The following EYS variants were observed in gnomAD, a reference collection of about 807,000 sequenced individuals.
EYS encodes the protein protein eyes shut homolog.
A neutral mutation model predicts 282.1 loss-of-function variants in EYS; 250 were observed. The ratio of observed to expected loss-of-function variants is 0.89; its 90% CI spans 0.80 to 0.98. EYS has a LOEUF of 0.98. EYS is among the 50% of genes least tolerant of loss of function. EYS has a pLI of 0.00. For synonymous variants in EYS, 1,355 were observed against 1,282.9 expected, an observed-to-expected ratio of 1.06 and a Z score of -1.20; for missense variants, 4,016 against 3,709.0, an observed-to-expected ratio of 1.08 and a Z score of -2.15.
intron 8 of EYS, among the ~76,000 whole-genome samples, chr6:65,371,299 C>T (rs1443298827): frequency 6.6e-6 from 1 of 151,620 alleles, no homozygotes; most frequent in Non-Finnish European, 1.5e-5. Flanking sequence ...TATGAAAACA[C>T]TATGTCCTTT....
intron 1 of EYS, among the ~76,000 whole-genome samples, chr6:65,687,087 G>T (rs2351501): frequency 0.82 from 124,339 of 152,028 alleles, 50,934 homozygotes; most frequent in East Asian, 0.85. Flanking sequence ...GAGTGATAAA[G>T]GATGCATTAG....
intron 26 of EYS, among the ~76,000 whole-genome samples, chr6:64,462,435 T>A (rs964627162): frequency 2.6e-5 from 4 of 152,208 alleles, no homozygotes; most frequent in Non-Finnish European, 5.9e-5. Context: ...TAAAAATTAG[T>A]GTGATTGTAT....
chr6:64,148,632 G>T (rs59454351), intron 31 of EYS, among the ~76,000 whole-genome samples: 8,381 of 152,128 alleles, frequency 0.055, 769 homozygotes, highest in African/African-American at 0.19. Flanking sequence ...TATAAAATCA[G>T]AATCTTGTAT....
At chr6:65,266,887 C>CGT (rs1767767605) in intron 12 of EYS, among the ~76,000 whole-genome samples, 1 of 139,584 alleles carries the variant, frequency 7.2e-6, no homozygotes, top group Non-Finnish European at 1.6e-5. Flanking sequence ...AATGTGTGTG[C>CGT]ATATATATAT....
At chr6:65,500,534 C>A (rs1399352258) in intron 2 of EYS, among the ~76,000 whole-genome samples, 1 of 151,750 alleles carries the variant, frequency 6.6e-6, no homozygotes, top group Non-Finnish European at 1.5e-5. Context: ...AAATCAAATT[C>A]AAAAAATCTT....
At chr6:63,993,222 A>G (rs1211752376) in intron 34 of EYS, among the ~76,000 whole-genome samples, 2 of 151,824 alleles carry the variant, frequency 1.3e-5, no homozygotes, top group African/African-American at 4.8e-5. Flanking sequence ...GTGAACACCT[A>G]AAGCTTTTCC....
At position 65,495,381 on chromosome 6, in the gene EYS, G is replaced by A. The variant is rs1562222006; in HGVS notation, c.30C>T (p.Ser10=). 1.2e-6 allele frequency: 2 copies of A among 1,612,234 alleles called. No homozygotes were observed. The highest frequency in any genetic ancestry group is 1.7e-6 in the Non-Finnish European group (2 of 1,179,958). ...TGAAAGAGCTGTGAAAAACCATCAG[G>A]CTCAGAATGACGATTGATTTGTCAG... MTDKSIVIL[S]LMVFHSSFIN... The change falls in exon 4 of 43, where the codon AGC becomes AGT. Residue 10 remains serine, a synonymous_variant. Transcript: ENST00000503581.
chr6:63,906,988 A>G (rs183442848), intron 35 of EYS, among the ~76,000 whole-genome samples: 1 of 152,098 alleles, frequency 6.6e-6, no homozygotes, highest in Non-Finnish European at 1.5e-5. Flanking sequence ...TTAAAGTTTC[A>G]TAGTGTGTTT....
intron 31 of EYS, among the ~76,000 whole-genome samples, chr6:64,214,950 G>A (rs924337734): frequency 5.9e-5 from 9 of 151,846 alleles, no homozygotes; most frequent in African/African-American, 2.2e-4. Context: ...AGTAAAATTT[G>A]TCAAAGGAGT....
intron 41 of EYS, among the ~76,000 whole-genome samples, chr6:63,731,262 A>G (rs746504997): frequency 3.9e-5 from 6 of 152,078 alleles, no homozygotes; most frequent in Non-Finnish European, 7.4e-5. Context: ...TAATGATTCC[A>G]TTTTATTTTA....
intron 36 of EYS, among the ~76,000 whole-genome samples, chr6:63,807,752 C>A (rs762392921): frequency 2.3e-4 from 35 of 152,188 alleles, no homozygotes; most frequent in Non-Finnish European, 2.4e-4. Context: ...GCTTCTTATA[C>A]TTATTTTTTA....
chr6:64,505,266 T>C (rs1435164828), intron 26 of EYS, among the ~76,000 whole-genome samples: 2 of 152,234 alleles, frequency 1.3e-5, no homozygotes, highest in Non-Finnish European at 2.9e-5. Context: ...TCCTCACAGT[T>C]GGCATGCATG....
chr6:65,022,960 T>C (rs1772294462), intron 13 of EYS, among the ~76,000 whole-genome samples: 1 of 151,980 alleles, frequency 6.6e-6, no homozygotes, highest in Non-Finnish European at 1.5e-5. Context: ...TACAATTCCA[T>C]TTATATTACA....
At chr6:65,033,385 C>T (rs1439576886) in intron 13 of EYS, among the ~76,000 whole-genome samples, 3 of 152,226 alleles carry the variant, frequency 2.0e-5, no homozygotes, top group South Asian at 4.1e-4. Context: ...GAAAACATGC[C>T]TCGAAGGTAT....
chr6:65,369,771 C>G (rs1765066933), intron 8 of EYS, among the ~76,000 whole-genome samples: 1 of 151,610 alleles, frequency 6.6e-6, no homozygotes, highest in South Asian at 2.1e-4. Flanking sequence ...GCCCTGATCT[C>G]TACTTGTGAC....
At chr6:64,299,211 C>T (rs940545824) in intron 30 of EYS, among the ~76,000 whole-genome samples, 3 of 152,186 alleles carry the variant, frequency 2.0e-5, no homozygotes, top group African/African-American at 7.2e-5. Context: ...TAAGACCAAC[C>T]TTTGATCATT....
At chr6:64,400,785 C>A (rs529510753) in intron 28 of EYS, among the ~76,000 whole-genome samples, 2 of 152,134 alleles carry the variant, frequency 1.3e-5, no homozygotes, top group Non-Finnish European at 2.9e-5. Flanking sequence ...AATAGTTTTT[C>A]TTTTTTGCAT....
intron 35 of EYS, among the ~76,000 whole-genome samples, chr6:63,900,017 T>C (rs1394829833): frequency 2.6e-5 from 4 of 152,222 alleles, no homozygotes; most frequent in African/African-American, 4.8e-5. Flanking sequence ...CTATTGTCAA[T>C]TGATGGCCTT....
At chr6:65,389,065 A>G (rs911248011) in intron 7 of EYS, among the ~76,000 whole-genome samples, 2 of 152,108 alleles carry the variant, frequency 1.3e-5, no homozygotes, top group Non-Finnish European at 2.9e-5. Context: ...TGTAATTACT[A>G]TAATAGCTTA....
Sources: allele counts gnomAD v4.1 joint callset (sites outside exome capture counted in the v4.1 genomes callset), GRCh38; gene constraint gnomAD v4.1.1; transcripts MANE v1.5; gene names NCBI Gene and HGNC (gene_info 2026-07-23, HGNC 2026-07-21).